The following HPN variants were observed in gnomAD, a reference collection of about 807,000 sequenced individuals.
HPN encodes the protein serine protease hepsin.
In HPN, 13 loss-of-function variants were observed where a neutral mutation model predicts 55.9. That is an observed-to-expected ratio of 0.23 (90% confidence interval 0.15 to 0.37). The LOEUF is 0.37. Among genes scored for constraint, HPN ranks in the 10% least tolerant of loss-of-function variants. The pLI is 1.00. For missense variants in HPN, 451 were observed against 575.8 expected (o/e 0.78, Z 2.22); for synonymous variants, 225 against 240.3 (o/e 0.94, Z 0.59).
intron 4 of HPN, among the ~76,000 whole-genome samples, chr19:35,056,419 A>C (rs1046218729): frequency 7.2e-5 from 11 of 152,150 alleles, no homozygotes; most frequent in Admixed American, 6.5e-4. Context: ...CCTGGCAGGT[A>C]CAAAGTGTTT....
chr19:35,048,082 A>AAGAAAGAAAGAAAAAAGGAAGG (rs111546288), intron 2 of HPN, among the ~76,000 whole-genome samples: 1 of 96,984 alleles, frequency 1.0e-5, no homozygotes, highest in Non-Finnish European at 2.1e-5. Context: ...GAAAGAAAGA[A>AAGAAAGAAAGAAAAAAGGAAGG]AAGGAAGGAA....
At chr19:35,041,983 G>C in intron 1 of HPN, 111 bp downstream of exon 1, 4 of 1,190,288 alleles carry the variant, frequency 3.4e-6, no homozygotes, top group Non-Finnish European at 4.2e-6. Flanking sequence ...CTGGGGACCT[G>C]AAGAGGGGGC....
chr19:35,060,928 AG>A, intron 9 of HPN, 111 bp downstream of exon 9: 1 of 928,710 alleles, frequency 1.1e-6, no homozygotes, highest in Non-Finnish European at 1.6e-6. Flanking sequence ...CTTGGCAATA[AG>A]GGGAATGATC....
At chr19:35,044,921 G>A (rs2064327062) in intron 2 of HPN, among the ~76,000 whole-genome samples, 1 of 152,026 alleles carries the variant, frequency 6.6e-6, no homozygotes, top group South Asian at 2.1e-4. Flanking sequence ...AGAAGGAAAC[G>A]GGGGAAGGAG....
chr19:35,066,523 G>C lies in HPN; in HGVS notation c.*236G>C. 1 of 567,822 alleles carries C rather than the reference G, an allele frequency of 1.8e-6. No homozygotes were observed. The highest frequency in any genetic ancestry group is 2.5e-5 in the South Asian group (1 of 40,130). 35.2% of individuals were successfully genotyped at this position (567,822 alleles called of 1,614,324 possible). A position where few individuals can be genotyped will look rare whatever the true frequency, so the allele number is the denominator to read the frequency against. The stretch of plus-strand genomic sequence containing the variant: ...TCTGCTGTCTGGGACTCCTGTCTAG[G>C]TGCCCCTGATGACGGGATGCTCTTT... On this transcript the variant is annotated 3_prime_UTR_variant, in exon 13 of 13. Coordinates refer to ENST00000672452, the MANE Select transcript of HPN (RefSeq NM_001384133.1).
At position 35,041,807 on chromosome 19, in the gene HPN, A is replaced by G; in HGVS notation, c.-120A>G. On this transcript the variant is annotated 5_prime_UTR_variant, in exon 1 of 13. Transcript: ENST00000672452. ...CTGCGGGGCCACCATGCTCCTGCCC[A>G]GGCCTGGAGACTGACCCGACCCCGG... 7.5e-7 allele frequency: 1 copy of G among 1,335,540 alleles called. No homozygotes were observed. 82.7% of individuals were successfully genotyped at this position (1,335,540 alleles called of 1,614,324 possible).
chr19:35,053,545 G>C (rs1466085098), intron 4 of HPN, among the ~76,000 whole-genome samples: 1 of 152,164 alleles, frequency 6.6e-6, no homozygotes, highest in Non-Finnish European at 1.5e-5. Flanking sequence ...GAGGTCAGGA[G>C]ACCAGCCTGG....
intron 6 of HPN, 32 bp downstream of exon 6, chr19:35,060,028 C>T (rs1416028007): frequency 1.9e-6 from 3 of 1,609,736 alleles, no homozygotes; most frequent in African/African-American, 1.3e-5. Flanking sequence ...TGGGGCAACA[C>T]CTCAGACCCC....
At chr19:35,064,815 CTTTTTTGT>C (rs1336681008) in intron 9 of HPN, among the ~76,000 whole-genome samples, 1 of 88,270 alleles carries the variant, frequency 1.1e-5, no homozygotes, top group Non-Finnish European at 3.1e-5. Context: ...TCCGTTGTGG[CTTTTTTGT>C]TTGTTTGTTT....
intron 2 of HPN, among the ~76,000 whole-genome samples, chr19:35,044,219 C>T (rs372823132): frequency 6.2e-4 from 95 of 152,322 alleles, no homozygotes; most frequent in African/African-American, 2.0e-3. Context: ...GTTGTGGCTG[C>T]AGCGGCTGCT....
At chr19:35,065,736 T>C (rs1688031) in intron 11 of HPN, 55 bp downstream of exon 11, 1,330,947 of 1,609,566 alleles carry the variant, frequency 0.83, 560,641 homozygotes, top group Admixed American at 0.9. Flanking sequence ...GGGATGGAGA[T>C]GCAGGGGAGT....
chr19:35,045,523 C>T (rs1446645329), intron 2 of HPN, among the ~76,000 whole-genome samples: 2 of 151,928 alleles, frequency 1.3e-5, no homozygotes, highest in East Asian at 1.9e-4. Flanking sequence ...TGAGAAGACC[C>T]AAGGCATCCA....
rs376498940 is a variant in HPN, at chr19:35,060,180, A to G, written c.454+11A>G. 3 of 1,613,874 alleles carry G rather than the reference A, an allele frequency of 1.9e-6. No homozygotes were observed. Among genetic ancestry groups the G allele is most frequent in the Non-Finnish European group, 2.5e-6 (3 of 1,180,038 alleles). On this transcript the variant is annotated intron_variant, in intron 7 of 12. Coordinates refer to ENST00000672452, the MANE Select transcript of HPN (RefSeq NM_001384133.1). ...CCGCCATCTGCCAAGGTGAGATCCT[A>G]AAACTCAGAACCCTCTCCTTTAGGC...
upstream of HPN, among the ~76,000 whole-genome samples, chr19:35,041,014 C>T (rs2064288077): frequency 1.3e-5 from 2 of 152,230 alleles, no homozygotes; most frequent in South Asian, 4.1e-4. Context: ...TGGTGTTTAC[C>T]TGGCCCTGGG....
intron 4 of HPN, among the ~76,000 whole-genome samples, chr19:35,054,332 C>T (rs143844235): frequency 1.4e-3 from 216 of 151,538 alleles, no homozygotes; most frequent in African/African-American, 5.1e-3. Context: ...GCAGGAGGAT[C>T]GCTTGAACCT....
intron 1 of HPN, chr19:35,042,149 T>C: frequency 1.7e-6 from 2 of 1,152,920 alleles, no homozygotes; most frequent in African/African-American, 1.6e-5. Flanking sequence ...AATTCCTCCT[T>C]TCCCAAGACT....
At chr19:35,049,660 GCTAT>G in intron 4 of HPN, 144 bp downstream of exon 4, 11 of 800,372 alleles carry the variant, frequency 1.4e-5, no homozygotes, top group Non-Finnish European at 2.2e-5. Context: ...TTGAGTGCCT[GCTAT>G]GTACCAGGCA....
At chr19:35,045,820 G>T (rs1244651441) in intron 2 of HPN, among the ~76,000 whole-genome samples, 1 of 152,108 alleles carries the variant, frequency 6.6e-6, no homozygotes, top group East Asian at 1.9e-4. Flanking sequence ...CAGGGAGGAT[G>T]CCTCTCATAC....
chr19:35,051,531 A>C (rs369490881), intron 4 of HPN, among the ~76,000 whole-genome samples: 5 of 152,270 alleles, frequency 3.3e-5, no homozygotes, highest in African/African-American at 1.2e-4. Flanking sequence ...ACAGGTGTGC[A>C]CCACCACAAC....
Sources: gnomAD v4.1 joint callset for allele counts (sites outside exome capture counted in the v4.1 genomes callset) on GRCh38, gnomAD v4.1.1 for gene constraint, MANE v1.5 for transcripts, NCBI Gene and HGNC (gene_info 2026-07-23, HGNC 2026-07-21) for gene names.